The following ATP2B2 variants were observed in gnomAD, a reference collection of about 807,000 sequenced individuals.
The protein encoded by ATP2B2 is ATPase plasma membrane Ca2+ transporting 2.
ATP2B2 carries 15 observed loss-of-function variants against 120.0 expected under a neutral mutation model. That is an observed-to-expected ratio of 0.12 (90% confidence interval 0.08 to 0.19). The LOEUF (loss-of-function observed/expected upper bound fraction) is 0.19. Ranked by LOEUF, ATP2B2 falls within the 10% of genes least tolerant of loss-of-function variation. The probability of loss-of-function intolerance (pLI) is 1.00; values close to 1 mark genes in which losing one functional copy is unlikely to be tolerated. For synonymous variants in ATP2B2, 694 were observed against 700.3 expected (o/e 0.99, Z 0.14); for missense variants, 1,045 against 1,719.8 (o/e 0.61, Z 6.94).
chr3:10,333,125 C>T (rs1309238809), intron 22 of ATP2B2, among the ~76,000 whole-genome samples: 2 of 152,150 alleles, frequency 1.3e-5, no homozygotes, highest in Admixed American at 6.5e-5. Flanking sequence ...GTTTTCCTCA[C>T]TCCAGTGTCC....
intron 1 of ATP2B2, among the ~76,000 whole-genome samples, chr3:10,450,228 T>C (rs2063988605): frequency 6.6e-6 from 1 of 152,042 alleles, no homozygotes; most frequent in African/African-American, 2.4e-5. Flanking sequence ...CCAGGCCCCA[T>C]GCACCAGCTT....
intron 14 of ATP2B2, among the ~76,000 whole-genome samples, chr3:10,357,376 A>C (rs1002956107): frequency 6.6e-6 from 1 of 152,140 alleles, no homozygotes; most frequent in African/African-American, 2.4e-5. Context: ...GATCTGTCTG[A>C]TGTCTGAGCT....
intron 10 of ATP2B2, among the ~76,000 whole-genome samples, chr3:10,376,540 T>A (rs2061385943): frequency 6.6e-6 from 1 of 152,148 alleles, no homozygotes; most frequent in Non-Finnish European, 1.5e-5. Flanking sequence ...CCCATCCTGA[T>A]CCCCTGGGGC....
intron 1 of ATP2B2, among the ~76,000 whole-genome samples, chr3:10,477,377 C>CT (rs2065244207): frequency 6.6e-6 from 1 of 152,202 alleles, no homozygotes; most frequent in Non-Finnish European, 1.5e-5. Flanking sequence ...CTACGTTTCT[C>CT]TTTTTTGTGG....
chr3:10,621,463 G>A (rs1015997947), intron 1 of ATP2B2, among the ~76,000 whole-genome samples: 2 of 152,196 alleles, frequency 1.3e-5, no homozygotes, highest in Admixed American at 6.5e-5. Flanking sequence ...AGAAGTGATC[G>A]TCAGCTCCAG....
rs1214117167 is a variant in ATP2B2 at position 10,462,710 on chromosome 3, AGCTGCCACATTAT to A, written c.-319-12861_-319-12849del. Among the ~76,000 whole-genome samples the A allele has an allele frequency of 4.6e-5, 7 of 152,332 alleles. No homozygotes were observed. The East Asian group carries it at 1.4e-3, about 29-fold the overall frequency. On this transcript the variant is annotated intron_variant, in intron 1 of 22. Coordinates refer to ENST00000360273, the MANE Select transcript of ATP2B2 (RefSeq NM_001001331.4). The stretch of plus-strand genomic sequence containing the variant: ...TAGAACTGGGCTTTTCTGACTCTGA[AGCTGCCACATTAT>A]GCTGCCTTTTGGATTTGAGCATGGC...
At chr3:10,333,549 G>C (rs1574929670) in intron 22 of ATP2B2, among the ~76,000 whole-genome samples, 1 of 152,158 alleles carries the variant, frequency 6.6e-6, no homozygotes, top group African/African-American at 2.4e-5. Context: ...GCACGAGGCT[G>C]TGTTGTCCAA....
At chr3:10,563,462 T>C (rs1004351785) in intron 2 of ATP2B2, among the ~76,000 whole-genome samples, 3 of 152,234 alleles carry the variant, frequency 2.0e-5, no homozygotes, top group Non-Finnish European at 4.4e-5. Flanking sequence ...GCTTTCCCCC[T>C]TCCACTCTCA....
intron 2 of ATP2B2, among the ~76,000 whole-genome samples, chr3:10,537,876 C>T (rs971179272): frequency 5.9e-5 from 9 of 152,104 alleles, no homozygotes; most frequent in Non-Finnish European, 1.0e-4. Context: ...GTTGAATTTG[C>T]TTTTCCTACA....
At chr3:10,459,608 A>T (rs1445123081) in intron 1 of ATP2B2, among the ~76,000 whole-genome samples, 1 of 152,234 alleles carries the variant, frequency 6.6e-6, no homozygotes, top group Non-Finnish European at 1.5e-5. Context: ...ACTGGCCAAC[A>T]TGACACTGTC....
intron 1 of ATP2B2, among the ~76,000 whole-genome samples, chr3:10,640,543 G>A (rs1168825387): frequency 6.6e-6 from 1 of 152,214 alleles, no homozygotes; most frequent in African/African-American, 2.4e-5. Context: ...TGCAGGCATT[G>A]TGATGTGATC....
At position 10,690,615 on chromosome 3, in the gene ATP2B2, G is replaced by A. The variant is rs574953812; in HGVS notation, c.-460+17300C>T. Among the ~76,000 whole-genome samples the A allele has an allele frequency of 8.7e-4, 133 of 152,272 alleles. 1 individual carries two copies. The highest frequency in any genetic ancestry group is 1.8e-4 in the Non-Finnish European group (12 of 68,032). On this transcript the variant is annotated intron_variant, in intron 1 of 21. Transcript: ENST00000646379. The stretch of plus-strand genomic sequence containing the variant: ...TTTCCTTTTGATGATTAAACGGCAT[G>A]AGGCAGATGCATAACACTTTTCTCA...
At chr3:10,512,464 GCACACACACACACACACACACACA>G (rs6147706) in intron 3 of ATP2B2, among the ~76,000 whole-genome samples, 11 of 136,926 alleles carry the variant, frequency 8.0e-5, no homozygotes, top group East Asian at 2.2e-4. Context: ...AAGTGTGTGC[GCACACACACACACACACACACACA>G]CACACACACA....
chr3:10,620,983 G>A (rs2069530475), intron 1 of ATP2B2, among the ~76,000 whole-genome samples: 1 of 152,172 alleles, frequency 6.6e-6, no homozygotes, highest in Non-Finnish European at 1.5e-5. Context: ...GGGCTAACCA[G>A]GTCCTGAGAA....
At chr3:10,561,136 GT>G (rs1192019112) in intron 2 of ATP2B2, among the ~76,000 whole-genome samples, 1 of 152,198 alleles carries the variant, frequency 6.6e-6, no homozygotes, top group African/African-American at 2.4e-5. Context: ...GTAGTTATCT[GT>G]GTGATGATGT....
At chr3:10,650,823 G>T (rs766280957) in intron 1 of ATP2B2, among the ~76,000 whole-genome samples, 2 of 152,234 alleles carry the variant, frequency 1.3e-5, no homozygotes, top group African/African-American at 4.8e-5. Context: ...AAAGCAACCA[G>T]GAGGGGAGCT....
At chr3:10,684,347 G>A (rs549677422) in intron 1 of ATP2B2, among the ~76,000 whole-genome samples, 6 of 152,348 alleles carry the variant, frequency 3.9e-5, no homozygotes, top group African/African-American at 9.6e-5. Context: ...CTGAGAGAAG[G>A]AGAGGAAAAC....
At chr3:10,349,931 C>T (rs571650742) in intron 16 of ATP2B2, among the ~76,000 whole-genome samples, 181 bp downstream of exon 16, 2 of 152,222 alleles carry the variant, frequency 1.3e-5, no homozygotes, top group South Asian at 2.1e-4. Flanking sequence ...CCATCTCCTT[C>T]TGGCCCCTTG....
intron 1 of ATP2B2, among the ~76,000 whole-genome samples, chr3:10,622,567 G>A (rs903469869): frequency 6.6e-6 from 1 of 152,092 alleles, no homozygotes; most frequent in South Asian, 2.1e-4. Context: ...AGAAGGCCAG[G>A]GGCAAGTCCA....
Sources: gnomAD v4.1 joint callset for allele counts (sites outside exome capture counted in the v4.1 genomes callset) on GRCh38, gnomAD v4.1.1 for gene constraint, MANE v1.5 for transcripts, NCBI Gene and HGNC (gene_info 2026-07-23, HGNC 2026-07-21) for gene names.